The following TENM2 variants were observed in gnomAD, a reference collection of about 807,000 sequenced individuals.
TENM2 encodes the protein teneurin-2.
A neutral mutation model predicts 245.2 loss-of-function variants in TENM2; 52 were observed. The ratio of observed to expected loss-of-function variants is 0.21; its 90% CI spans 0.17 to 0.27. TENM2 has a LOEUF of 0.27. TENM2 is among the 10% of genes least tolerant of loss of function. The probability of loss-of-function intolerance (pLI) is 1.00; values close to 1 mark genes in which losing one functional copy is unlikely to be tolerated. For synonymous variants in TENM2, 1,363 were observed against 1,438.9 expected, an observed-to-expected ratio of 0.95 and a Z score of 1.19; for missense variants, 3,046 against 3,666.8, an observed-to-expected ratio of 0.83 and a Z score of 4.37.
intron 3 of TENM2, among the ~76,000 whole-genome samples, chr5:167,879,698 G>T (rs982945065): frequency 6.6e-6 from 1 of 152,014 alleles, no homozygotes; most frequent in African/African-American, 2.4e-5. Flanking sequence ...AAATAAAGGG[G>T]CTTTGAACAC....
the TENM2 span, among the ~76,000 whole-genome samples, chr5:167,015,719 C>T: frequency 2.6e-5 from 4 of 152,272 alleles, no homozygotes; most frequent in African/African-American, 9.6e-5. Context: ...AACCATCACA[C>T]ACTGATCTGA....
chr5:168,047,400 A>G, intron 5 of TENM2, 27 bp from the exon 8 acceptor site: 1 of 1,551,516 alleles, frequency 6.4e-7, no homozygotes, highest in Non-Finnish European at 8.7e-7. Context: ...ATCTATTCAT[A>G]TTTTCATTAC....
At chr5:167,190,251 T>C in the TENM2 span, among the ~76,000 whole-genome samples, 2 of 152,118 alleles carry the variant, frequency 1.3e-5, no homozygotes, top group Non-Finnish European at 2.9e-5. Context: ...ATTTGGGATT[T>C]TTAAGATATG....
At chr5:167,610,759 G>C (rs1777428619) in intron 2 of TENM2, among the ~76,000 whole-genome samples, 1 of 152,108 alleles carries the variant, frequency 6.6e-6, no homozygotes, top group Non-Finnish European at 1.5e-5. Flanking sequence ...GATCAGGCTG[G>C]TTCATTTCCA....
intron 2 of TENM2, among the ~76,000 whole-genome samples, chr5:167,640,464 C>A (rs1405624085): frequency 2.0e-5 from 3 of 151,752 alleles, no homozygotes; most frequent in Non-Finnish European, 4.4e-5. Context: ...ACTAAAAATA[C>A]AAAATTAGCC....
At chr5:168,156,262 A>C (rs1454503132) in intron 12 of TENM2, among the ~76,000 whole-genome samples, 1 of 149,046 alleles carries the variant, frequency 6.7e-6, no homozygotes, top group East Asian at 1.9e-4. Flanking sequence ...AAAAAAAAAA[A>C]AAAACACTTT....
At chr5:168,182,846 TTTGA>T in intron 13 of TENM2, among the ~76,000 whole-genome samples, 3 of 143,308 alleles carry the variant, frequency 2.1e-5, no homozygotes, top group Admixed American at 6.8e-5. Flanking sequence ...TTTTTTTTTT[TTTGA>T]GACAGAGTCT....
intron 2 of TENM2, among the ~76,000 whole-genome samples, chr5:167,658,454 C>T (rs1582673256): frequency 6.6e-6 from 1 of 152,036 alleles, no homozygotes. Context: ...GTGATCTTCC[C>T]ACCTCGGCCT....
At chr5:167,475,019 T>C (rs747196202) in intron 2 of TENM2, among the ~76,000 whole-genome samples, 6 of 152,226 alleles carry the variant, frequency 3.9e-5, no homozygotes, top group Non-Finnish European at 5.9e-5. Context: ...CCTCCAAGTA[T>C]ATTATGTTGT....
At chr5:167,434,569 AAATG>A (rs1399572695) in intron 2 of TENM2, among the ~76,000 whole-genome samples, 3 of 152,120 alleles carry the variant, frequency 2.0e-5, no homozygotes, top group Admixed American at 6.5e-5. Context: ...TAATCTCAAA[AAATG>A]AATTTTTATT....
intron 1 of TENM2, among the ~76,000 whole-genome samples, chr5:167,320,448 C>A (rs1278172250): frequency 1.3e-5 from 2 of 152,182 alleles, no homozygotes; most frequent in Non-Finnish European, 2.9e-5. Context: ...TCCTTGCCTT[C>A]TTTTCTTTTG....
chr5:167,425,903 G>C (rs186610092), intron 2 of TENM2, among the ~76,000 whole-genome samples: 128 of 152,190 alleles, frequency 8.4e-4, no homozygotes, highest in South Asian at 3.5e-3. Flanking sequence ...TAATACTGTC[G>C]TTAGCATTAC....
At chr5:168,089,636 A>C (rs890693604) in intron 7 of TENM2, among the ~76,000 whole-genome samples, 2 of 152,196 alleles carry the variant, frequency 1.3e-5, no homozygotes, top group Non-Finnish European at 2.9e-5. Context: ...GAACATAAAC[A>C]CCAAGCCAAT....
At chr5:167,798,113 A>G (rs1765449864) in intron 2 of TENM2, among the ~76,000 whole-genome samples, 1 of 152,234 alleles carries the variant, frequency 6.6e-6, no homozygotes, top group South Asian at 2.1e-4. Context: ...ATGATGCTTA[A>G]GTTTCCATTT....
chr5:167,139,004 T>G, the TENM2 span, among the ~76,000 whole-genome samples: 1 of 152,310 alleles, frequency 6.6e-6, no homozygotes, highest in East Asian at 1.9e-4. Flanking sequence ...TATTTGACAT[T>G]GTTAATTTAT....
Position 167,886,237 on chromosome 5 carries a change from C to G in TENM2, c.712+10042C>G, listed in dbSNP as rs1389060372. Among the ~76,000 whole-genome samples, 192 of 152,278 alleles carry G rather than the reference C, an allele frequency of 1.3e-3. 1 individual carries two copies. Among genetic ancestry groups the G allele is most frequent in the Non-Finnish European group, 1.7e-3 (119 of 68,030 alleles). On this transcript the variant is annotated intron_variant, in intron 3 of 28. Coordinates refer to ENST00000518659, the Ensembl canonical transcript of TENM2. Reference sequence around the variant, plus strand: ...ACATAGTTATTAAGCAGTACAAGAACTTGACCCAAAGAAACTGGTCTCCAG... The same window carrying G: ...ACATAGTTATTAAGCAGTACAAGAAGTTGACCCAAAGAAACTGGTCTCCAG...
chr5:168,191,823 C>A (rs144066142), intron 14 of TENM2, among the ~76,000 whole-genome samples: 1 of 151,970 alleles, frequency 6.6e-6, no homozygotes, highest in Admixed American at 6.6e-5. Context: ...GACAGCCCAG[C>A]GAGGGTGGGA....
chr5:167,825,865 T>TAA lies in TENM2; in HGVS notation c.503-50107_503-50106dup, dbSNP rs201322387. 7.4e-3 allele frequency among the ~76,000 whole-genome samples: 999 copies of TAA among 134,170 alleles called. 14 individuals are homozygous for TAA. The highest frequency in any genetic ancestry group is 0.026 in the African/African-American group (946 of 36,472). 88.0% of individuals were successfully genotyped at this position (134,170 alleles called of 152,430 possible). A position where few individuals can be genotyped will look rare whatever the true frequency, so the allele number is the denominator to read the frequency against. On this transcript the variant is annotated intron_variant, in intron 2 of 28. Coordinates refer to ENST00000518659, the Ensembl canonical transcript of TENM2. Reference sequence around the variant, plus strand: ...CCATGGAGATAATGGTAATGATAATTAAAAAAAAAAAAAAACAACTGTGAC... The same window carrying TAA: ...CCATGGAGATAATGGTAATGATAATTAAAAAAAAAAAAAAAAACAACTGTGAC...
intron 2 of TENM2, among the ~76,000 whole-genome samples, chr5:167,817,201 G>A (rs1291252212): frequency 6.6e-6 from 1 of 152,198 alleles, no homozygotes; most frequent in Non-Finnish European, 1.5e-5. Flanking sequence ...TCCAGCATCA[G>A]GATATAGTGT....
Sources: allele counts gnomAD v4.1 joint callset (sites outside exome capture counted in the v4.1 genomes callset), GRCh38; gene constraint gnomAD v4.1.1; transcripts MANE v1.5; gene names NCBI Gene and HGNC (gene_info 2026-07-23, HGNC 2026-07-21).